GSAP: variants seen among roughly 807,000 people sequenced by gnomAD.
GSAP encodes gamma-secretase activating protein, also known as gamma-secretase-activating protein.
Under a neutral mutation model 131.7 loss-of-function variants are expected in GSAP, and 118 were observed. The ratio of observed to expected loss-of-function variants is 0.90; its 90% CI spans 0.77 to 1.04. The LOEUF is 1.04. GSAP is among the 50% of genes least tolerant of loss of function. The probability of loss-of-function intolerance (pLI) is 0.00; values close to 1 mark genes in which losing one functional copy is unlikely to be tolerated. For synonymous variants in GSAP, 381 were observed against 363.4 expected, an observed-to-expected ratio of 1.05 and a Z score of -0.55; for missense variants, 1,019 against 1,013.2, an observed-to-expected ratio of 1.01 and a Z score of -0.08.
At chr7:77,322,586 T>TG (rs1787809480) in intron 24 of GSAP, among the ~76,000 whole-genome samples, 1 of 131,778 alleles carries the variant, frequency 7.6e-6, no homozygotes, top group Non-Finnish European at 1.7e-5. Context: ...TTGTGAGTTT[T>TG]TTTTTTTTTT....
chr7:77,387,128 TATC>T (rs1341817176), intron 6 of GSAP, among the ~76,000 whole-genome samples: 2 of 152,256 alleles, frequency 1.3e-5, no homozygotes, highest in African/African-American at 4.8e-5. Context: ...TTTGATATTT[TATC>T]ATGAGAAAAT....
chr7:77,326,159 T>C (rs893043601), intron 23 of GSAP, 53 bp downstream of exon 23: 2 of 1,132,916 alleles, frequency 1.8e-6, no homozygotes, highest in East Asian at 2.4e-5. Context: ...TCCTTTCCCC[T>C]TGTCTTAGGG....
At chr7:77,377,526 T>C in intron 8 of GSAP, 136 bp from the exon 9 acceptor site, 1 of 1,059,850 alleles carries the variant, frequency 9.4e-7, no homozygotes, top group Non-Finnish European at 1.3e-6. Context: ...TGTTAGAAGC[T>C]CCCCACCCCT....
At chr7:77,330,594 GTC>G in intron 19 of GSAP, 1 of 595,678 alleles carries the variant, frequency 1.7e-6, no homozygotes, top group Non-Finnish European at 2.1e-6. Flanking sequence ...TTTTTTTTTT[GTC>G]GTTGTTTTTT....
At chr7:77,414,742 A>C (rs992847219) in intron 1 of GSAP, among the ~76,000 whole-genome samples, 2 of 151,918 alleles carry the variant, frequency 1.3e-5, no homozygotes, top group African/African-American at 2.4e-5. Context: ...TAGCAAAATA[A>C]AGTGGGAGTC....
chr7:77,348,309 C>T (rs1792216306), intron 19 of GSAP, among the ~76,000 whole-genome samples: 1 of 152,136 alleles, frequency 6.6e-6, no homozygotes, highest in African/African-American at 2.4e-5. Flanking sequence ...CTTTTCTCTT[C>T]ATCTTCATAT....
intron 19 of GSAP, among the ~76,000 whole-genome samples, chr7:77,339,669 A>AAAGGAGGACAGAAACAC (rs1790593337): frequency 8.3e-6 from 1 of 120,834 alleles, no homozygotes; most frequent in Non-Finnish European, 1.7e-5. Flanking sequence ...AGGGAATGTA[A>AAAGGAGGACAGAAACAC]AAGGAGGACA....
intron 8 of GSAP, chr7:77,379,907 A>G (rs1797542112): frequency 1.0e-6 from 1 of 974,692 alleles, no homozygotes; most frequent in South Asian, 4.7e-5. Flanking sequence ...GCTGATACAC[A>G]ATTGATAAAT....
intron 14 of GSAP, among the ~76,000 whole-genome samples, chr7:77,358,127 G>A (rs1233072493): frequency 6.6e-6 from 1 of 152,312 alleles, no homozygotes; most frequent in East Asian, 1.9e-4. Context: ...GATTACTTGA[G>A]GTCAGGAGTT....
At chr7:77,388,022 AC>A (rs1798838937) in intron 5 of GSAP, among the ~76,000 whole-genome samples, 1 of 152,246 alleles carries the variant, frequency 6.6e-6, no homozygotes, top group South Asian at 2.1e-4. Flanking sequence ...ACATGTCTGA[AC>A]TTTCTGAAAA....
At chr7:77,382,394 C>T (rs1331702853) in intron 7 of GSAP, among the ~76,000 whole-genome samples, 180 bp downstream of exon 7, 1 of 152,168 alleles carries the variant, frequency 6.6e-6, no homozygotes, top group Admixed American at 6.5e-5. Context: ...CCAAAGGGAA[C>T]ACCACTTGGG....
intron 1 of GSAP, among the ~76,000 whole-genome samples, chr7:77,412,502 A>G (rs1803457554): frequency 6.6e-6 from 1 of 152,124 alleles, no homozygotes; most frequent in Non-Finnish European, 1.5e-5. Flanking sequence ...AAAACTCCTA[A>G]TTTAGACTAC....
At position 77,410,402 on chromosome 7, in the gene GSAP, T is replaced by C. The variant is rs984324901; in HGVS notation, c.110-4297A>G. ...CTTTTAAAAGAAGTATTCAGTAACC[T>C]CTTTGCTTATTCATTCTGACTCTTC... On this transcript the variant is annotated intron_variant, in intron 1 of 30. Transcript: ENST00000257626. Among the ~76,000 whole-genome samples, 9 of 152,332 alleles carry C rather than the reference T, an allele frequency of 5.9e-5. 1 individual carries two copies. Among genetic ancestry groups the C allele is most frequent in the African/African-American group, 2.2e-4 (9 of 41,582 alleles).
chr7:77,373,832 C>A (rs545880941), intron 12 of GSAP, among the ~76,000 whole-genome samples: 1 of 152,248 alleles, frequency 6.6e-6, no homozygotes, highest in African/African-American at 2.4e-5. Flanking sequence ...CTGTTAGAAC[C>A]ATACAAATAA....
At chr7:77,389,394 G>A (rs997921055) in intron 5 of GSAP, among the ~76,000 whole-genome samples, 8 of 150,138 alleles carry the variant, frequency 5.3e-5, no homozygotes, top group South Asian at 4.2e-4. Context: ...AAAAAAACGC[G>A]TCATTTAGCA....
upstream of GSAP, chr7:77,416,501 C>T (rs1411728905): frequency 2.2e-5 from 9 of 410,048 alleles, no homozygotes; most frequent in Admixed American, 3.6e-4. Flanking sequence ...TCCTCCCGGC[C>T]GGCGGCCCGC....
intron 12 of GSAP, among the ~76,000 whole-genome samples, chr7:77,365,747 C>T (rs772237220): frequency 2.0e-5 from 3 of 151,660 alleles, no homozygotes; most frequent in Admixed American, 1.3e-4. Context: ...AAGTATATAC[C>T]CAGTAATCAG....
intron 1 of GSAP, among the ~76,000 whole-genome samples, chr7:77,413,842 G>A (rs886255546): frequency 7.8e-6 from 1 of 128,554 alleles, no homozygotes; most frequent in Non-Finnish European, 1.6e-5. Flanking sequence ...GTGGATACAC[G>A]GTTTTACTTC....
intron 26 of GSAP, among the ~76,000 whole-genome samples, chr7:77,317,558 G>A (rs1297413678): frequency 6.6e-6 from 1 of 152,068 alleles, no homozygotes; most frequent in Non-Finnish European, 1.5e-5. Context: ...TTCCTTACCT[G>A]ACCCACAGAC....
Sources: gnomAD v4.1 joint callset for allele counts (sites outside exome capture counted in the v4.1 genomes callset) on GRCh38, gnomAD v4.1.1 for gene constraint, MANE v1.5 for transcripts, NCBI Gene and HGNC (gene_info 2026-07-23, HGNC 2026-07-21) for gene names.